SLC22A14: variants seen among roughly 807,000 people sequenced by gnomAD.
SLC22A14 encodes organic cation transporter-like 4.
Under a neutral mutation model 53.9 loss-of-function variants are expected in SLC22A14, and 50 were observed. The ratio of observed to expected loss-of-function variants is 0.93; its 90% confidence interval spans 0.74 to 1.17. The LOEUF (loss-of-function observed/expected upper bound fraction) is 1.17. Among genes scored for constraint, SLC22A14 ranks in the 50% most tolerant of loss-of-function variants. SLC22A14 has a pLI of 0.00. For synonymous variants in SLC22A14, 312 were observed against 303.0 expected (o/e 1.03, Z -0.31); for missense variants, 671 against 734.7 (o/e 0.91, Z 1.00).
At chr3:38,313,245 G>T in intron 6 of SLC22A14, 126 bp downstream of exon 6, 2 of 1,460,198 alleles carry the variant, frequency 1.4e-6, no homozygotes, top group Non-Finnish European at 1.9e-6. Context: ...AAGGACAATG[G>T]TGACAGCAAA....
chr3:38,299,367 T>A (rs1377519422), intron 1 of SLC22A14, among the ~76,000 whole-genome samples: 1 of 152,204 alleles, frequency 6.6e-6, no homozygotes, highest in Admixed American at 6.5e-5. Flanking sequence ...ATTAGTCTCA[T>A]TAGTTTGTGA....
At chr3:38,317,931 G>T (rs1009115101) in intron 10 of SLC22A14, among the ~76,000 whole-genome samples, 2 of 152,170 alleles carry the variant, frequency 1.3e-5, no homozygotes, top group African/African-American at 4.8e-5. Flanking sequence ...ACAGGGTCTG[G>T]CATGTGGCAA....
chr3:38,287,363 A>G (rs1703816323), intron 1 of SLC22A14, among the ~76,000 whole-genome samples: 1 of 152,122 alleles, frequency 6.6e-6, no homozygotes, highest in Non-Finnish European at 1.5e-5. Context: ...TGATTAGGAA[A>G]TCCTTCCTCA....
intron 1 of SLC22A14, among the ~76,000 whole-genome samples, chr3:38,304,637 C>T (rs577094025): frequency 7.2e-5 from 11 of 152,298 alleles, no homozygotes; most frequent in Non-Finnish European, 1.3e-4. Flanking sequence ...AGTGATCTAC[C>T]TGCCTGCACC....
chr3:38,299,287 C>T (rs1449958187), intron 1 of SLC22A14, among the ~76,000 whole-genome samples: 1 of 152,184 alleles, frequency 6.6e-6, no homozygotes, highest in Non-Finnish European at 1.5e-5. Flanking sequence ...TCTCTCCCCT[C>T]CCATTCCGTC....
In SLC22A14 at chr3:38,313,824, G is replaced by T. The variant is rs138313271; in HGVS notation, c.1261G>T (p.Val421Leu). 7.2e-5 allele frequency: 116 copies of T among 1,614,108 alleles called. No individual in the cohort carries two copies. The African/African-American group carries it at 1.3e-3, about 18-fold the overall frequency. ...FRHVVPSIME[V>L]PARLCCIFLL... ...ACACGTGGTCCCCAGCATCATGGAG[G>T]TGCCTGCCCGGCTGTGCTGCATCTT... is the stretch of plus-strand genomic sequence containing the variant. The change falls in exon 8 of 11, where the codon GTG becomes TTG. Residue 421 changes from valine (V) to leucine (L), a missense_variant. Physicochemically the swap from Val to Leu is conservative, Grantham distance 32. Coordinates refer to ENST00000448498, the MANE Select transcript of SLC22A14 (RefSeq NM_001320033.2).
chr3:38,299,370 G>C lies in SLC22A14; in HGVS notation c.1-6657G>C, dbSNP rs578149960. On this transcript the variant is annotated intron_variant, in intron 1 of 10. Coordinates refer to ENST00000448498, the MANE Select transcript of SLC22A14 (RefSeq NM_001320033.2). The stretch of plus-strand genomic sequence containing the variant: ...CCCTCAGAGATAATTAGTCTCATTA[G>C]TTTGTGACTTATCCTCCTGTATTTT... Among the ~76,000 whole-genome samples the C allele has an allele frequency of 5.3e-5, 8 of 152,124 alleles. No individual in the cohort carries two copies. In the South Asian group the frequency reaches 1.7e-3, roughly 32 times the overall value.
chr3:38,317,154 G>A (rs954833356), intron 10 of SLC22A14, among the ~76,000 whole-genome samples: 18 of 152,202 alleles, frequency 1.2e-4, no homozygotes, highest in Admixed American at 1.3e-4. Context: ...GGACCTGAGC[G>A]CCAGTGAGGA....
upstream of SLC22A14, among the ~76,000 whole-genome samples, chr3:38,281,903 A>G (rs1703677028): frequency 6.6e-6 from 1 of 152,168 alleles, no homozygotes; most frequent in Admixed American, 6.5e-5. Flanking sequence ...CTTCTAGCTT[A>G]TGGGGGAGAT....
intron 5 of SLC22A14, among the ~76,000 whole-genome samples, chr3:38,312,123 C>T (rs564117902): frequency 4.1e-4 from 63 of 152,058 alleles, no homozygotes; most frequent in Non-Finnish European, 7.2e-4. Flanking sequence ...GAGTCCTGGT[C>T]GGGGAGGGAG....
intron 1 of SLC22A14, among the ~76,000 whole-genome samples, chr3:38,288,045 A>G (rs963134491): frequency 1.3e-5 from 2 of 152,316 alleles, no homozygotes; most frequent in South Asian, 4.1e-4. Flanking sequence ...CATCTCCGGA[A>G]CGATTTCATT....
intron 1 of SLC22A14, among the ~76,000 whole-genome samples, chr3:38,304,525 CTA>C (rs1704249864): frequency 6.6e-6 from 1 of 152,058 alleles, no homozygotes; most frequent in Non-Finnish European, 1.5e-5. Context: ...GTAGCTGAGA[CTA>C]CAGGCACATG....
At chr3:38,298,127 A>G (rs985751829) in intron 1 of SLC22A14, among the ~76,000 whole-genome samples, 1 of 152,014 alleles carries the variant, frequency 6.6e-6, no homozygotes. Context: ...TATTTATTTT[A>G]TTGCTAAAAT....
At chr3:38,303,858 T>C (rs554918569) in intron 1 of SLC22A14, 1 of 152,246 alleles carries the variant, frequency 6.6e-6, no homozygotes, top group South Asian at 2.1e-4. Flanking sequence ...AATTTTAGTA[T>C]ATGTGCTACC....
intron 1 of SLC22A14, among the ~76,000 whole-genome samples, chr3:38,294,538 G>T (rs1178310808): frequency 6.6e-6 from 1 of 151,992 alleles, no homozygotes; most frequent in African/African-American, 2.4e-5. Flanking sequence ...TTTTGCCTTG[G>T]GGGGAATGCT....
chr3:38,286,059 C>T (rs7643678), intron 1 of SLC22A14, among the ~76,000 whole-genome samples: 3,369 of 152,132 alleles, frequency 0.022, 126 homozygotes, highest in African/African-American at 0.075. Context: ...ATGGAGAAAA[C>T]CCGTCCTACC....
At chr3:38,286,940 T>C (rs1703807566) in intron 1 of SLC22A14, among the ~76,000 whole-genome samples, 1 of 151,990 alleles carries the variant, frequency 6.6e-6, no homozygotes. Flanking sequence ...TTTCACCACA[T>C]TGGCCAGGCT....
chr3:38,283,141 A>G (rs1466551682), intron 1 of SLC22A14, among the ~76,000 whole-genome samples: 4 of 152,064 alleles, frequency 2.6e-5, no homozygotes, highest in Non-Finnish European at 5.9e-5. Context: ...CGGCTGCCCA[A>G]ATCTTTATCA....
rs1704677099 is a variant in SLC22A14 at position 38,318,310 on chromosome 3, C to G, written c.*61C>G. 2 of 1,455,682 alleles carry G rather than the reference C, an allele frequency of 1.4e-6. No homozygotes were observed. The highest frequency in any genetic ancestry group is 1.9e-6 in the Non-Finnish European group (2 of 1,035,398). The allele number at this position is 1,455,682 out of a possible 1,614,324, so 90.2% of individuals were successfully genotyped here. On this transcript the variant is annotated 3_prime_UTR_variant, in exon 11 of 11. Transcript: ENST00000448498. ...TCCTGAGATTGGACCCATACCCTGTCTCCAACCCTGCCTTGAAGCAATTCA... is the reference window on the plus strand; with the variant it reads ...TCCTGAGATTGGACCCATACCCTGTGTCCAACCCTGCCTTGAAGCAATTCA...
Sources: allele counts gnomAD v4.1 joint callset (sites outside exome capture counted in the v4.1 genomes callset), GRCh38; gene constraint gnomAD v4.1.1; transcripts MANE v1.5; gene names NCBI Gene and HGNC (gene_info 2026-07-23, HGNC 2026-07-21).